The following H2BC21 variants were observed in gnomAD, a reference collection of about 807,000 sequenced individuals.
H2BC21 encodes the protein H2B clustered histone 21.
H2BC21 carries 2 observed loss-of-function variants against 6.2 expected under a neutral mutation model. That is an observed-to-expected ratio of 0.32 (90% CI 0.13 to 1.02). The LOEUF (loss-of-function observed/expected upper bound fraction) is 1.02, where lower values mean the gene tolerates loss of function less well. Among genes scored for constraint, H2BC21 ranks in the 50% least tolerant of loss-of-function variants. The pLI, the probability that H2BC21 is intolerant of heterozygous loss-of-function variation, is 0.47. For missense variants in H2BC21, 98 were observed against 172.2 expected, an observed-to-expected ratio of 0.57 and a Z score of 2.41; for synonymous variants, 109 against 75.2, an observed-to-expected ratio of 1.45 and a Z score of -2.33.
rs782078120 is a variant in H2BC21 at position 149,884,783 on chromosome 1, A to G, written c.*1477T>C. 3 of 152,362 alleles carry G rather than the reference A, an allele frequency of 2.0e-5. No individual in the cohort carries two copies. The highest frequency in any genetic ancestry group is 6.5e-5 in the Admixed American group (1 of 15,306). The allele number at this position is 152,362 out of a possible 1,614,324, so 9.4% of individuals were successfully genotyped here. On this transcript the variant is annotated 3_prime_UTR_variant, in exon 1 of 1. Coordinates refer to ENST00000369155, the MANE Select transcript of H2BC21 (RefSeq NM_003528.3). ...GTATGAGCTGCATGACTGTGAACCA[A>G]TGAGGCTTCTCTTGGCCTCATTTGT...
At position 149,886,678 on chromosome 1, in the gene H2BC21, GAAGT is replaced by G. The variant is rs782277769; in HGVS notation, c.-42_-39del. 141 of 1,585,962 alleles carry G rather than the reference GAAGT, an allele frequency of 8.9e-5. No homozygotes were observed. Among genetic ancestry groups the G allele is most frequent in the Middle Eastern group, 5.1e-4 (3 of 5,874 alleles). The stretch of plus-strand genomic sequence containing the variant: ...TACAAACGCGGCTTAGCCAAGAAAA[GAAGT>G]AAGAGAATGGGCGGGCCTGATTCTT... On this transcript the variant is annotated 5_prime_UTR_variant, in exon 1 of 1. Transcript: ENST00000369155.
rs1487293802 is a variant in H2BC21, at chr1:149,885,508, C to T, written c.*752G>A. 2.6e-5 allele frequency: 4 copies of T among 152,558 alleles called. No homozygotes were observed. The highest frequency in any genetic ancestry group is 5.9e-5 in the Non-Finnish European group (4 of 68,306). 9.5% of individuals were successfully genotyped at this position (152,558 alleles called of 1,614,324 possible). A position where few individuals can be genotyped will look rare whatever the true frequency, so the allele number is the denominator to read the frequency against. On this transcript the variant is annotated 3_prime_UTR_variant, in exon 1 of 1. Coordinates refer to ENST00000369155, the MANE Select transcript of H2BC21 (RefSeq NM_003528.3). ...TACATGGTAAGTGCCTCGCAGTGAC[C>T]TGGGGCCGTAGCGTTACCATTTAAA...
chr1:149,886,216 C>T lies in H2BC21; in HGVS notation c.*44G>A. The T allele has an allele frequency of 6.2e-7, 1 of 1,613,744 alleles. No individual in the cohort carries two copies. The highest frequency in any genetic ancestry group is 8.5e-7 in the Non-Finnish European group (1 of 1,179,862). ...TCTGAAAAGAGCCTTTGGAGTCAAG[C>T]AGCCGGCGACTCGAGCGAGCGAGCG... On this transcript the variant is annotated 3_prime_UTR_variant, in exon 1 of 1. Transcript: ENST00000369155.
At position 149,886,164 on chromosome 1, in the gene H2BC21, C is replaced by A; in HGVS notation, c.*96G>T. Reference sequence around the variant, plus strand: ...GAAACTAAGGGAATAAGTGAACAAGCTCTTTTCTAGTGATTAGGTGGGTGG... The same window carrying A: ...GAAACTAAGGGAATAAGTGAACAAGATCTTTTCTAGTGATTAGGTGGGTGG... On this transcript the variant is annotated 3_prime_UTR_variant, in exon 1 of 1. Transcript: ENST00000369155. The A allele has an allele frequency of 6.3e-7, 1 of 1,580,420 alleles. No homozygotes were observed. Among genetic ancestry groups the A allele is most frequent in the Non-Finnish European group, 8.6e-7 (1 of 1,160,080 alleles).
rs2092298592 is a variant in H2BC21, at chr1:149,886,428, G to A, written c.213C>T (p.Phe71=). ...GIMNSFVNDI[F]ERIAGEASRL... is the part of the protein sequence containing the mutation. ...GGGAAGCCTCTCCCGCGATGCGCTC[G>A]AAGATGTCGTTGACGAAGGAGTTCA... is the stretch of plus-strand genomic sequence containing the variant. Residue 71 remains phenylalanine, a synonymous_variant, in exon 1 of 1, where the codon TTC becomes TTT. Transcript: ENST00000369155. 1 of 1,614,264 alleles carries A rather than the reference G, an allele frequency of 6.2e-7. No individual in the cohort carries two copies. Among genetic ancestry groups the A allele is most frequent in the Non-Finnish European group, 8.5e-7 (1 of 1,180,060 alleles).
chr1:149,885,911 A>T lies in H2BC21; in HGVS notation c.*349T>A, dbSNP rs1199733888. On this transcript the variant is annotated 3_prime_UTR_variant, in exon 1 of 1. Coordinates refer to ENST00000369155, the MANE Select transcript of H2BC21 (RefSeq NM_003528.3). ...TAGAATGAAACAGACCCAAGGAGCC[A>T]CCAGGGCGCGTGTGGGGCGGGAGTG... The T allele has an allele frequency of 2.6e-6, 1 of 381,730 alleles. No individual in the cohort carries two copies. Among genetic ancestry groups the T allele is most frequent in the Non-Finnish European group, 4.9e-6 (1 of 204,978 alleles). The allele number at this position is 381,730 out of a possible 1,614,324, so 23.6% of individuals were successfully genotyped here. A position where few individuals can be genotyped will look rare whatever the true frequency, so the allele number is the denominator to read the frequency against.
Position 149,884,715 on chromosome 1 carries a change from CTA to C in H2BC21, c.*1543_*1544del, listed in dbSNP as rs1426883827. On this transcript the variant is annotated 3_prime_UTR_variant, in exon 1 of 1. Transcript: ENST00000369155. ...TATTCTGCACCTCCACAAAATAAAA[CTA>C]AAATGCAATTGTCCTGCATCTGAGA... The C allele has an allele frequency of 6.6e-6, 1 of 152,176 alleles. No homozygotes were observed. Among genetic ancestry groups the C allele is most frequent in the Non-Finnish European group, 1.5e-5 (1 of 68,032 alleles). 9.4% of individuals were successfully genotyped at this position (152,176 alleles called of 1,614,324 possible).
rs200684835 is a variant in H2BC21, at chr1:149,886,664, C to A, written c.-24G>T. On this transcript the variant is annotated 5_prime_UTR_variant, in exon 1 of 1. Transcript: ENST00000369155. ...ATGGTAAGACACAGTACAAACGCGGCTTAGCCAAGAAAAGAAGTAAGAGAA... is the reference window on the plus strand; with the variant it reads ...ATGGTAAGACACAGTACAAACGCGGATTAGCCAAGAAAAGAAGTAAGAGAA... 3 of 1,595,084 alleles carry A rather than the reference C, an allele frequency of 1.9e-6. No homozygotes were observed. The highest frequency in any genetic ancestry group is 1.7e-4 in the Middle Eastern group (1 of 5,940).
rs782276340 is a variant in H2BC21 at position 149,886,584 on chromosome 1, G to T, written c.57C>A (p.Val19=). The change falls in exon 1 of 1, where the codon GTC becomes GTA. Residue 19 remains valine (V), a synonymous_variant. Transcript: ENST00000369155. ...PAPKKGSKKA[V]TKAQKKDGKK... Reference sequence around the variant, plus strand: ...TGCCGTCTTTCTTCTGGGCTTTGGTGACGGCTTTCTTGGAGCCCTTTTTAG... The same window carrying T: ...TGCCGTCTTTCTTCTGGGCTTTGGTTACGGCTTTCTTGGAGCCCTTTTTAG... 6.2e-7 allele frequency: 1 copy of T among 1,614,210 alleles called. No homozygotes were observed. Among genetic ancestry groups the T allele is most frequent in the East Asian group, 2.2e-5 (1 of 44,884 alleles).
rs200765893 is a variant in H2BC21, at chr1:149,886,660, G to A, written c.-20C>T. On this transcript the variant is annotated 5_prime_UTR_variant, in exon 1 of 1. Coordinates refer to ENST00000369155, the MANE Select transcript of H2BC21 (RefSeq NM_003528.3). The stretch of plus-strand genomic sequence containing the variant: ...AGGCATGGTAAGACACAGTACAAAC[G>A]CGGCTTAGCCAAGAAAAGAAGTAAG... 86 of 1,600,054 alleles carry A rather than the reference G, an allele frequency of 5.4e-5. No homozygotes were observed. The highest frequency in any genetic ancestry group is 3.6e-4 in the African/African-American group (27 of 74,130).
rs1553759728 is a variant in H2BC21, at chr1:149,886,442, C to G, written c.199G>C (p.Val67Leu). ...GCGATGCGCTCGAAGATGTCGTTGA[C>G]GAAGGAGTTCATGATGCCCATGGCC... Reference protein sequence around the residue: ...SKAMGIMNSFVNDIFERIAGE... With the variant: ...SKAMGIMNSFLNDIFERIAGE... Residue 67 changes from valine (V) to leucine (L), a missense_variant, in exon 1 of 1, where the codon GTC becomes CTC. This residue lies in a region of H2BC21 where 48 missense variants were observed against 137.8 expected (regional missense o/e 0.35). Coordinates refer to ENST00000369155, the MANE Select transcript of H2BC21 (RefSeq NM_003528.3). The G allele has an allele frequency of 2.5e-6, 4 of 1,614,118 alleles. No individual in the cohort carries two copies. The highest frequency in any genetic ancestry group is 1.7e-5 in the Admixed American group (1 of 60,014).
chr1:149,886,046 T>A lies in H2BC21; in HGVS notation c.*214A>T. 2 of 769,472 alleles carry A rather than the reference T, an allele frequency of 2.6e-6. No individual in the cohort carries two copies. Among genetic ancestry groups the A allele is most frequent in the South Asian group, 3.8e-5 (2 of 52,948 alleles). 47.7% of individuals were successfully genotyped at this position (769,472 alleles called of 1,614,324 possible). On this transcript the variant is annotated 3_prime_UTR_variant, in exon 1 of 1. Coordinates refer to ENST00000369155, the MANE Select transcript of H2BC21 (RefSeq NM_003528.3). ...GCTCTAGATTCAAAAGCAAATCCAA[T>A]GACGCACTGGGGACCTCGAGTTCCA...
In H2BC21 at chr1:149,886,347, G is replaced by C. The variant is rs782111935; in HGVS notation, c.294C>G (p.Ala98=). The C allele has an allele frequency of 3.1e-6, 5 of 1,614,074 alleles. No individual in the cohort carries two copies. The highest frequency in any genetic ancestry group is 4.2e-6 in the Non-Finnish European group (5 of 1,180,050). Residue 98 remains alanine, a synonymous_variant, in exon 1 of 1, where the codon GCC becomes GCG. Coordinates refer to ENST00000369155, the MANE Select transcript of H2BC21 (RefSeq NM_003528.3). ...STITSREIQT[A]VRLLLPGELA... ...GCTCGCCGGGCAGCAGCAGGCGCAC[G>C]GCCGTCTGGATCTCGCGGGATGTGA...
In H2BC21 at chr1:149,885,626, T is replaced by TA. The variant is rs1264979564; in HGVS notation, c.*633dup. The TA allele has an allele frequency of 6.5e-6, 1 of 154,276 alleles. No individual in the cohort carries two copies. The highest frequency in any genetic ancestry group is 1.4e-5 in the Non-Finnish European group (1 of 69,276). 9.6% of individuals were successfully genotyped at this position (154,276 alleles called of 1,614,324 possible). A position where few individuals can be genotyped will look rare whatever the true frequency, so the allele number is the denominator to read the frequency against. On this transcript the variant is annotated 3_prime_UTR_variant, in exon 1 of 1. Coordinates refer to ENST00000369155, the MANE Select transcript of H2BC21 (RefSeq NM_003528.3). ...ACGACGGAAACTGAAATCTACAAAT[T>TA]AGAAAAAGGCGCAGAATTTTGAATA...
At position 149,886,159 on chromosome 1, in the gene H2BC21, A is replaced by G. The variant is rs1255960401; in HGVS notation, c.*101T>C. The G allele has an allele frequency of 6.4e-7, 1 of 1,570,348 alleles. No individual in the cohort carries two copies. Among genetic ancestry groups the G allele is most frequent in the African/African-American group, 1.4e-5 (1 of 73,488 alleles). On this transcript the variant is annotated 3_prime_UTR_variant, in exon 1 of 1. Coordinates refer to ENST00000369155, the MANE Select transcript of H2BC21 (RefSeq NM_003528.3). ...GAAAAGAAACTAAGGGAATAAGTGA[A>G]CAAGCTCTTTTCTAGTGATTAGGTG...
In H2BC21 at chr1:149,886,403, G is replaced by T; in HGVS notation, c.238C>A (p.Arg80Ser). 2 of 1,614,234 alleles carry T rather than the reference G, an allele frequency of 1.2e-6. No homozygotes were observed. Among genetic ancestry groups the T allele is most frequent in the Non-Finnish European group, 1.7e-6 (2 of 1,180,048 alleles). The change falls in exon 1 of 1, where the codon CGC (arginine) becomes AGC (serine). Residue 80 changes from arginine (R) to serine (S), a missense_variant. By Grantham distance (110) the Arg-to-Ser change is moderately radical. Around this residue, in one of 2 missense-constraint regions of H2BC21, gnomAD observed 48 missense variants for 137.8 expected, o/e 0.35. Coordinates refer to ENST00000369155, the MANE Select transcript of H2BC21 (RefSeq NM_003528.3). ...IFERIAGEASRLAHYNKRSTI... is the reference protein window; with the variant it reads ...IFERIAGEASSLAHYNKRSTI... ...GAGCGCTTGTTGTAGTGCGCCAGGCGGGAAGCCTCTCCCGCGATGCGCTCG... is the reference window on the plus strand; with the variant it reads ...GAGCGCTTGTTGTAGTGCGCCAGGCTGGAAGCCTCTCCCGCGATGCGCTCG...
rs202141121 is a variant in H2BC21, at chr1:149,886,247, T to C, written c.*13A>G. 6.0e-4 allele frequency: 972 copies of C among 1,613,894 alleles called. 1 individual carries two copies. The highest frequency in any genetic ancestry group is 7.8e-4 in the Non-Finnish European group (924 of 1,179,940). On this transcript the variant is annotated 3_prime_UTR_variant, in exon 1 of 1. Coordinates refer to ENST00000369155, the MANE Select transcript of H2BC21 (RefSeq NM_003528.3). ...GCGACTCGAGCGAGCGAGCGCCAGG[T>C]CCCGGCAGGGACTCACTTGGAGCTG...
Position 149,886,575 on chromosome 1 carries a change from G to T in H2BC21, c.66C>A (p.Ala22=), listed in dbSNP as rs2092299821. 1.2e-6 allele frequency: 2 copies of T among 1,614,236 alleles called. No individual in the cohort carries two copies. Among genetic ancestry groups the T allele is most frequent in the Non-Finnish European group, 1.7e-6 (2 of 1,180,042 alleles). Reference sequence around the variant, plus strand: ...TGCGCTTCTTGCCGTCTTTCTTCTGGGCTTTGGTGACGGCTTTCTTGGAGC... The same window carrying T: ...TGCGCTTCTTGCCGTCTTTCTTCTGTGCTTTGGTGACGGCTTTCTTGGAGC... ...KKGSKKAVTK[A]QKKDGKKRKR... Residue 22 remains alanine (A), a synonymous_variant, in exon 1 of 1, where the codon GCC becomes GCA. Coordinates refer to ENST00000369155, the MANE Select transcript of H2BC21 (RefSeq NM_003528.3).
chr1:149,886,134 G>T lies in H2BC21; in HGVS notation c.*126C>A. 6.8e-7 allele frequency: 1 copy of T among 1,476,922 alleles called. No homozygotes were observed. The highest frequency in any genetic ancestry group is 9.1e-7 in the Non-Finnish European group (1 of 1,094,566). The allele number at this position is 1,476,922 out of a possible 1,614,324, so 91.5% of individuals were successfully genotyped here. The stretch of plus-strand genomic sequence containing the variant: ...TTCACACTAAAATAACTTACTTTAT[G>T]AAAAGAAACTAAGGGAATAAGTGAA... On this transcript the variant is annotated 3_prime_UTR_variant, in exon 1 of 1. Transcript: ENST00000369155.
Sources: gnomAD v4.1 joint callset for allele counts on GRCh38, gnomAD v4.1.1 for gene constraint, gnomAD v4.1.1 regional missense constraint, MANE v1.5 for transcripts, NCBI Gene and HGNC (gene_info 2026-07-23, HGNC 2026-07-21) for gene names.